The following IGSF21 variants were observed in gnomAD, a reference collection of about 807,000 sequenced individuals.
The protein encoded by IGSF21 is immunoglobin superfamily member 21, also known as immunoglobulin superfamily member 21.
In IGSF21, 28 loss-of-function variants were observed where a neutral mutation model predicts 46.8. That is an observed-to-expected ratio of 0.60 (90% CI 0.44 to 0.82). IGSF21 has a LOEUF of 0.82. IGSF21 is among the 40% of genes least tolerant of loss of function. IGSF21 has a pLI of 0.00. For missense variants in IGSF21, 624 were observed against 665.5 expected (o/e 0.94, Z 0.69); for synonymous variants, 284 against 273.6 (o/e 1.04, Z -0.38).
At chr1:18,149,395 A>C (rs1026964693) in intron 1 of IGSF21, among the ~76,000 whole-genome samples, 2 of 152,196 alleles carry the variant, frequency 1.3e-5, no homozygotes, top group East Asian at 3.9e-4. Flanking sequence ...GGGGGTGGCC[A>C]TCCCGGCACG....
intron 3 of IGSF21, among the ~76,000 whole-genome samples, chr1:18,318,837 A>C (rs969534128): frequency 6.6e-6 from 1 of 152,214 alleles, no homozygotes; most frequent in Non-Finnish European, 1.5e-5. Flanking sequence ...AGGAGATTTT[A>C]CAAACAAATC....
chr1:18,369,960 C>A (rs187278386), intron 6 of IGSF21, among the ~76,000 whole-genome samples: 18 of 152,312 alleles, frequency 1.2e-4, no homozygotes, highest in Non-Finnish European at 2.4e-4. Flanking sequence ...TCCCATTGAT[C>A]AAACCAGAAG....
intron 3 of IGSF21, among the ~76,000 whole-genome samples, chr1:18,311,512 G>A (rs1428469489): frequency 1.3e-5 from 2 of 152,208 alleles, no homozygotes; most frequent in African/African-American, 4.8e-5. Flanking sequence ...GTGAACAAGT[G>A]TCTTCACCTC....
intron 2 of IGSF21, among the ~76,000 whole-genome samples, chr1:18,239,282 G>A (rs1023875783): frequency 1.3e-5 from 2 of 151,998 alleles, no homozygotes; most frequent in Non-Finnish European, 2.9e-5. Context: ...AATGAGGGAT[G>A]TTTCCCAGCT....
chr1:18,143,045 C>G (rs184335296), intron 1 of IGSF21, among the ~76,000 whole-genome samples: 44 of 152,326 alleles, frequency 2.9e-4, no homozygotes, highest in African/African-American at 1.0e-3. Context: ...CCTGGGCCTT[C>G]TCTCAGGGAC....
intron 1 of IGSF21, among the ~76,000 whole-genome samples, chr1:18,135,657 A>G (rs1028236844): frequency 2.0e-5 from 3 of 152,200 alleles, no homozygotes; most frequent in Non-Finnish European, 2.9e-5. Flanking sequence ...AATCCAGTCT[A>G]TCATTGTTGG....
chr1:18,144,893 G>T (rs1054985531), intron 1 of IGSF21, among the ~76,000 whole-genome samples: 3 of 152,178 alleles, frequency 2.0e-5, no homozygotes, highest in Admixed American at 6.5e-5. Flanking sequence ...ATTGTGGTGA[G>T]AATAAAATGA....
intron 3 of IGSF21, among the ~76,000 whole-genome samples, chr1:18,323,997 C>T (rs973488513): frequency 5.3e-5 from 8 of 152,076 alleles, no homozygotes; most frequent in South Asian, 2.1e-4. Flanking sequence ...CCCTGTCCAG[C>T]GCTGCCCCAT....
At chr1:18,217,700 C>T (rs1184083889) in intron 1 of IGSF21, among the ~76,000 whole-genome samples, 1 of 152,232 alleles carries the variant, frequency 6.6e-6, no homozygotes, top group Non-Finnish European at 1.5e-5. Context: ...CTACCCACTA[C>T]CCACTCCTGT....
chr1:18,140,648 A>G (rs2086407528), intron 1 of IGSF21, among the ~76,000 whole-genome samples: 1 of 152,010 alleles, frequency 6.6e-6, no homozygotes, highest in East Asian at 1.9e-4. Context: ...TTGCCTTCCC[A>G]TTCCTCTTCA....
Position 18,242,640 on chromosome 1 carries a change from T to G in IGSF21, c.183+14630T>G, listed in dbSNP as rs190110500. On this transcript the variant is annotated intron_variant, in intron 2 of 9. Coordinates refer to ENST00000251296, the MANE Select transcript of IGSF21 (RefSeq NM_032880.5). ...TGAGGGTGTAAGAAGGCTGTTTATT[T>G]CCTTACGTGCTTTCAACGTTCCCCT... Among the ~76,000 whole-genome samples the G allele has an allele frequency of 2.0e-5, 3 of 152,322 alleles. No homozygotes were observed. In the East Asian group the frequency reaches 5.8e-4, roughly 29 times the overall value.
intron 1 of IGSF21, among the ~76,000 whole-genome samples, chr1:18,208,396 T>TATATATATATATATATATA (rs397732378): frequency 5.8e-4 from 59 of 102,238 alleles, no homozygotes; most frequent in African/African-American, 7.0e-4. Context: ...TATATATATA[T>TATATATATATATATATATA]TTTTTGAGAC....
chr1:18,342,308 G>T (rs2085851114), intron 4 of IGSF21, among the ~76,000 whole-genome samples: 1 of 152,078 alleles, frequency 6.6e-6, no homozygotes, highest in Non-Finnish European at 1.5e-5. Context: ...TGGCTAGGCT[G>T]GTCTTGAACT....
At chr1:18,255,279 C>T (rs1444050318) in intron 2 of IGSF21, among the ~76,000 whole-genome samples, 1 of 152,206 alleles carries the variant, frequency 6.6e-6, no homozygotes, top group Non-Finnish European at 1.5e-5. Context: ...GCTCATTACT[C>T]ACCCACCTTG....
chr1:18,172,647 C>G (rs942216162), intron 1 of IGSF21, among the ~76,000 whole-genome samples: 1 of 152,234 alleles, frequency 6.6e-6, no homozygotes, highest in Non-Finnish European at 1.5e-5. Context: ...TAGTACCCCA[C>G]CCTTAGGACC....
intron 2 of IGSF21, among the ~76,000 whole-genome samples, chr1:18,234,272 C>T (rs897997468): frequency 6.6e-6 from 1 of 152,192 alleles, no homozygotes; most frequent in African/African-American, 2.4e-5. Context: ...AGGCCTCCTT[C>T]CCCAACCCCT....
At chr1:18,169,231 A>G (rs113461187) in intron 1 of IGSF21, among the ~76,000 whole-genome samples, 5 of 152,348 alleles carry the variant, frequency 3.3e-5, no homozygotes, top group African/African-American at 1.2e-4. Context: ...TGGATCCGCC[A>G]TGGAGGCCCA....
intron 3 of IGSF21, among the ~76,000 whole-genome samples, chr1:18,319,922 G>A (rs573376507): frequency 2.6e-5 from 4 of 152,270 alleles, no homozygotes; most frequent in South Asian, 2.1e-4. Flanking sequence ...ACTAAAATAC[G>A]AGTTCTATGA....
chr1:18,243,679 C>G (rs1374884274), intron 2 of IGSF21, among the ~76,000 whole-genome samples: 1 of 152,210 alleles, frequency 6.6e-6, no homozygotes, highest in African/African-American at 2.4e-5. Flanking sequence ...TCTGGCCTCG[C>G]CCACTCCACT....
Sources: gnomAD v4.1 joint callset for allele counts (sites outside exome capture counted in the v4.1 genomes callset) on GRCh38, gnomAD v4.1.1 for gene constraint, MANE v1.5 for transcripts, NCBI Gene and HGNC (gene_info 2026-07-23, HGNC 2026-07-21) for gene names.